MARCHF1: variants seen among roughly 807,000 people sequenced by gnomAD.
MARCHF1 encodes membrane associated ring-CH-type finger 1.
MARCHF1 carries 40 observed loss-of-function variants against 54.2 expected under a neutral mutation model. That is an observed-to-expected ratio of 0.74 (90% CI 0.57 to 0.96). MARCHF1 has a LOEUF of 0.96. Among genes scored for constraint, MARCHF1 ranks in the 40% least tolerant of loss-of-function variants. The pLI is 0.00. For synonymous variants in MARCHF1, 236 were observed against 236.3 expected, an observed-to-expected ratio of 1.00 and a Z score of 0.01; for missense variants, 586 against 656.5, an observed-to-expected ratio of 0.89 and a Z score of 1.17.
intron 4 of MARCHF1, among the ~76,000 whole-genome samples, chr4:163,799,185 G>A (rs1384370556): frequency 1.3e-5 from 2 of 152,028 alleles, no homozygotes; most frequent in African/African-American, 4.8e-5. Flanking sequence ...AGCTGCATGT[G>A]GCTAGCAGCT....
intron 1 of MARCHF1, among the ~76,000 whole-genome samples, chr4:164,166,541 A>G (rs879620101): frequency 6.6e-6 from 1 of 151,974 alleles, no homozygotes; most frequent in Non-Finnish European, 1.5e-5. Flanking sequence ...AATTAACATT[A>G]TAATCAGTGG....
chr4:163,937,903 G>A (rs912280827), intron 3 of MARCHF1, among the ~76,000 whole-genome samples: 1 of 152,142 alleles, frequency 6.6e-6, no homozygotes, highest in East Asian at 1.9e-4. Context: ...AGTGAAAGAT[G>A]TGACTCCATC....
chr4:163,931,131 G>A (rs1016204564), intron 3 of MARCHF1, among the ~76,000 whole-genome samples: 1 of 152,150 alleles, frequency 6.6e-6, no homozygotes, highest in Non-Finnish European at 1.5e-5. Flanking sequence ...GCTGATACGT[G>A]CAAGCAAGGA....
At chr4:164,112,895 CTGT>C (rs1755863618) in intron 1 of MARCHF1, among the ~76,000 whole-genome samples, 1 of 147,880 alleles carries the variant, frequency 6.8e-6, no homozygotes, top group Admixed American at 6.7e-5. Flanking sequence ...TCCACTTTCG[CTGT>C]TTTTTAATAA....
chr4:164,022,017 C>G (rs77669617), intron 2 of MARCHF1, among the ~76,000 whole-genome samples: 1 of 151,922 alleles, frequency 6.6e-6, no homozygotes, highest in Admixed American at 6.6e-5. Flanking sequence ...AGAGTAAAAG[C>G]CTTCCATCAA....
At chr4:164,199,577 A>T (rs1283909179) in intron 1 of MARCHF1, among the ~76,000 whole-genome samples, 1 of 148,386 alleles carries the variant, frequency 6.7e-6, no homozygotes. Flanking sequence ...CAGAGACTGC[A>T]GTAAGCGGAG....
intron 3 of MARCHF1, among the ~76,000 whole-genome samples, chr4:163,946,905 C>T (rs1180325732): frequency 6.6e-6 from 1 of 152,112 alleles, no homozygotes; most frequent in African/African-American, 2.4e-5. Flanking sequence ...ATCTCTACAC[C>T]ATTAGAATAC....
chr4:164,164,657 A>G (rs777126729), intron 1 of MARCHF1, among the ~76,000 whole-genome samples: 1 of 152,026 alleles, frequency 6.6e-6, no homozygotes, highest in Non-Finnish European at 1.5e-5. Context: ...AGTATGTGCC[A>G]TTATGGTGGT....
chr4:163,768,782 T>C (rs1318821934), intron 4 of MARCHF1, among the ~76,000 whole-genome samples: 2 of 152,178 alleles, frequency 1.3e-5, no homozygotes, highest in Non-Finnish European at 1.5e-5. Context: ...ATCTCATTTT[T>C]TGGTTTGAGT....
intron 1 of MARCHF1, among the ~76,000 whole-genome samples, chr4:164,166,368 A>G (rs1000871523): frequency 1.3e-5 from 2 of 152,142 alleles, no homozygotes; most frequent in Admixed American, 1.3e-4. Flanking sequence ...CTTCACTTAC[A>G]TAATGAAGTT....
intron 2 of MARCHF1, among the ~76,000 whole-genome samples, chr4:164,017,589 T>G (rs190734344): frequency 2.0e-5 from 3 of 151,826 alleles, no homozygotes; most frequent in African/African-American, 7.2e-5. Context: ...CAAGAATACT[T>G]AAAGATAAAT....
chr4:164,160,745 C>T (rs1214416224), intron 1 of MARCHF1, among the ~76,000 whole-genome samples: 1 of 152,142 alleles, frequency 6.6e-6, no homozygotes, highest in Non-Finnish European at 1.5e-5. Context: ...CTGACAGGTA[C>T]ACTTTCATCA....
At position 163,545,672 on chromosome 4, in the gene MARCHF1, C is replaced by A; in HGVS notation, c.1263G>T (p.Ala421=). ...ACAAAGACCAAACCACACAGGTGAT[C>A]GCGATTACGTGGAATGTGACAGAGC... is the stretch of plus-strand genomic sequence containing the variant. ...IFCSVTFHVI[A]ITCVVWSLYV... is the part of the protein sequence containing the mutation. The change falls in exon 9 of 10, where the codon GCG becomes GCT. Residue 421 remains alanine, a synonymous_variant. Transcript: ENST00000514618. The A allele has an allele frequency of 6.2e-7, 1 of 1,613,690 alleles. No individual in the cohort carries two copies. Among genetic ancestry groups the A allele is most frequent in the Non-Finnish European group, 8.5e-7 (1 of 1,179,874 alleles).
intron 4 of MARCHF1, among the ~76,000 whole-genome samples, chr4:163,734,738 T>G (rs1422065851): frequency 2.0e-5 from 3 of 152,094 alleles, no homozygotes; most frequent in Non-Finnish European, 4.4e-5. Context: ...AGGGGAAGAA[T>G]ATGCTCATTA....
chr4:163,653,412 A>G (rs1464159814), intron 5 of MARCHF1, among the ~76,000 whole-genome samples: 1 of 151,780 alleles, frequency 6.6e-6, no homozygotes, highest in Non-Finnish European at 1.5e-5. Flanking sequence ...TGGTAGTGAC[A>G]TGATCGGATT....
chr4:163,849,178 C>A lies in MARCHF1; in HGVS notation c.111+4843G>T, dbSNP rs115529593. On this transcript the variant is annotated intron_variant, in intron 4 of 9. Coordinates refer to ENST00000514618, the MANE Select transcript of MARCHF1 (RefSeq NM_001394959.1). ...GAGACTGATTGGACTGTTGGAATCC[C>A]AGTTTCACAAGTTATTACCTAAGTC... 4.6e-3 allele frequency among the ~76,000 whole-genome samples: 704 copies of A among 152,294 alleles called. 3 individuals are homozygous for A. Among genetic ancestry groups the A allele is most frequent in the Non-Finnish European group, 8.1e-3 (550 of 68,022 alleles).
intron 1 of MARCHF1, among the ~76,000 whole-genome samples, chr4:164,292,561 T>G (rs374778071): frequency 6.6e-6 from 1 of 152,180 alleles, no homozygotes; most frequent in Non-Finnish European, 1.5e-5. Context: ...AGAACTACCA[T>G]AGTGTTGCAG....
Position 164,128,484 on chromosome 4 carries a change from A to G in MARCHF1, c.-322-16822T>C, listed in dbSNP as rs192438489. On this transcript the variant is annotated intron_variant, in intron 1 of 9. Coordinates refer to ENST00000514618, the MANE Select transcript of MARCHF1 (RefSeq NM_001394959.1). ...CCAAATATATGAACAGAGAATTCAT[A>G]AAAGAAGATACACAAATGACCCTTA... Among the ~76,000 whole-genome samples, 27 of 152,258 alleles carry G rather than the reference A, an allele frequency of 1.8e-4. No homozygotes were observed. In the East Asian group the frequency reaches 5.2e-3, roughly 29 times the overall value.
chr4:163,661,002 C>T (rs1374572174), intron 5 of MARCHF1, among the ~76,000 whole-genome samples: 1 of 151,900 alleles, frequency 6.6e-6, no homozygotes, highest in Non-Finnish European at 1.5e-5. Flanking sequence ...CTTTGTATTC[C>T]TAAAAATTTG....
Sources: gnomAD v4.1 joint callset for allele counts (sites outside exome capture counted in the v4.1 genomes callset) on GRCh38, gnomAD v4.1.1 for gene constraint, MANE v1.5 for transcripts, NCBI Gene and HGNC (gene_info 2026-07-23, HGNC 2026-07-21) for gene names.